The following GALK2 variants were observed in gnomAD, a reference collection of about 807,000 sequenced individuals.
The protein encoded by GALK2 is galactokinase 2.
GALK2 carries 36 observed loss-of-function variants against 52.4 expected under a neutral mutation model. That is an observed-to-expected ratio of 0.69 (90% CI 0.53 to 0.91). The LOEUF is 0.91. GALK2 is among the 40% of genes least tolerant of loss of function. GALK2 has a pLI of 0.00. For missense variants in GALK2, 579 were observed against 559.1 expected (o/e 1.04, Z -0.36); for synonymous variants, 176 against 199.1 (o/e 0.88, Z 0.98).
intron 8 of GALK2, among the ~76,000 whole-genome samples, chr15:49,316,109 T>C (rs1410140916): frequency 6.6e-6 from 1 of 152,198 alleles, no homozygotes; most frequent in Non-Finnish European, 1.5e-5. Flanking sequence ...AATTCTTGAT[T>C]GACTAAAAGA....
intron 8 of GALK2, among the ~76,000 whole-genome samples, chr15:49,299,412 T>G (rs574400601): frequency 6.6e-6 from 1 of 152,186 alleles, no homozygotes; most frequent in Admixed American, 6.6e-5. Flanking sequence ...TTTGGTTGTT[T>G]CCTTTCTTCT....
At chr15:49,254,672 T>C (rs2091740191) in intron 5 of GALK2, among the ~76,000 whole-genome samples, 1 of 144,316 alleles carries the variant, frequency 6.9e-6, no homozygotes, top group Non-Finnish European at 1.6e-5. Context: ...AAGAAATTTA[T>C]TGGAAAAATT....
chr15:49,329,618 T>G lies in GALK2; in HGVS notation c.*1459T>G. On this transcript the variant is annotated 3_prime_UTR_variant, in exon 10 of 10. Transcript: ENST00000560031. ...ATAAACTTCTGATGCATTTTCATTCTTAGCAGAAAGGTAAATGCTTGAGAA... is the reference window on the plus strand; with the variant it reads ...ATAAACTTCTGATGCATTTTCATTCGTAGCAGAAAGGTAAATGCTTGAGAA... The G allele has an allele frequency of 1.0e-6, 1 of 984,892 alleles. No individual in the cohort carries two copies. The highest frequency in any genetic ancestry group is 1.2e-6 in the Non-Finnish European group (1 of 829,434). The allele number at this position is 984,892 out of a possible 1,614,324, so 61.0% of individuals were successfully genotyped here.
chr15:49,267,038 G>A lies in GALK2; in HGVS notation c.505-14949G>A, dbSNP rs145859144. Among the ~76,000 whole-genome samples the A allele has an allele frequency of 6.6e-4, 100 of 152,242 alleles. 1 individual carries two copies. The highest frequency in any genetic ancestry group is 2.3e-3 in the African/African-American group (97 of 41,542). On this transcript the variant is annotated intron_variant, in intron 5 of 9. Coordinates refer to ENST00000560031, the MANE Select transcript of GALK2 (RefSeq NM_002044.4). ...TATGGAAGGGAGGTACTTGAGCCAC[G>A]TAAAGGGGTAAAGGGTGTTAAAGAA...
intron 3 of GALK2, among the ~76,000 whole-genome samples, chr15:49,361,952 A>G (rs1021562156): frequency 3.9e-5 from 6 of 152,044 alleles, no homozygotes; most frequent in Non-Finnish European, 8.8e-5. Context: ...CTGGTCTGAG[A>G]TGGTATCTCA....
At chr15:49,226,426 TTCTG>T (rs897266210) in intron 3 of GALK2, among the ~76,000 whole-genome samples, 1 of 152,184 alleles carries the variant, frequency 6.6e-6, no homozygotes, top group Non-Finnish European at 1.5e-5. Flanking sequence ...TCTTGGTGTT[TTCTG>T]TCTAAGATTT....
At chr15:49,341,584 T>A (rs1340148126) in intron 3 of GALK2, among the ~76,000 whole-genome samples, 1 of 152,192 alleles carries the variant, frequency 6.6e-6, no homozygotes, top group Non-Finnish European at 1.5e-5. Flanking sequence ...ACTCTTGAGC[T>A]CAACTGATTT....
chr15:49,335,044 C>A (rs916221483), downstream of GALK2, among the ~76,000 whole-genome samples: 2 of 152,170 alleles, frequency 1.3e-5, no homozygotes, highest in Non-Finnish European at 2.9e-5. Context: ...GACACCAGCC[C>A]AGCTGCCACC....
intron 4 of GALK2, 80 bp from the exon 5 acceptor site, chr15:49,239,141 C>A: frequency 8.0e-7 from 1 of 1,251,572 alleles, no homozygotes; most frequent in Non-Finnish European, 1.2e-6. Flanking sequence ...GACTTTTGTT[C>A]TCTGGGGAAT....
chr15:49,237,136 T>G (rs75801154), intron 4 of GALK2, among the ~76,000 whole-genome samples: 9,190 of 152,274 alleles, frequency 0.06, 552 homozygotes, highest in African/African-American at 0.15. Flanking sequence ...AGCATATGGG[T>G]AAAGTGGCCT....
intron 3 of GALK2, chr15:49,366,713 G>T: frequency 1.6e-6 from 2 of 1,263,148 alleles, no homozygotes; most frequent in Admixed American, 1.8e-5. Flanking sequence ...GTGGGGTGGC[G>T]CGGCGCGGCT....
intron 8 of GALK2, among the ~76,000 whole-genome samples, chr15:49,297,907 A>G (rs1294088972): frequency 2.7e-5 from 4 of 146,628 alleles, no homozygotes; most frequent in African/African-American, 1.0e-4. Context: ...ATTTGGGCCC[A>G]TTTTTTATTT....
At chr15:49,352,517 C>T (rs1466787471) in intron 3 of GALK2, among the ~76,000 whole-genome samples, 1 of 152,346 alleles carries the variant, frequency 6.6e-6, no homozygotes, top group South Asian at 2.1e-4. Flanking sequence ...CATCCCACCC[C>T]AGCAGCTGAA....
intron 1 of GALK2, among the ~76,000 whole-genome samples, chr15:49,186,619 A>G (rs998869637): frequency 3.4e-5 from 5 of 148,110 alleles, no homozygotes; most frequent in African/African-American, 1.3e-4. Context: ...AGCTCACTGC[A>G]ACCTCCGCCT....
At chr15:49,235,539 G>A (rs2090756230) in intron 3 of GALK2, 1 of 496,360 alleles carries the variant, frequency 2.0e-6, no homozygotes, top group Non-Finnish European at 3.9e-6. Flanking sequence ...GCATTCATGT[G>A]GTTTACACCA....
At chr15:49,181,837 A>AT (rs903995117) in intron 1 of GALK2, among the ~76,000 whole-genome samples, 3 of 151,698 alleles carry the variant, frequency 2.0e-5, no homozygotes, top group Admixed American at 6.6e-5. Context: ...CTCTGTTTTA[A>AT]TTTTTTTTAA....
In GALK2 at chr15:49,192,501, A is replaced by G. The variant is rs1027319677; in HGVS notation, c.54-8661A>G. On this transcript the variant is annotated intron_variant, in intron 1 of 9. Transcript: ENST00000560031. ...TATATATATGTATATATATATATAT[A>G]TATATATATATATATATATATATAG... Among the ~76,000 whole-genome samples, 1,158 of 134,594 alleles carry G rather than the reference A, an allele frequency of 8.6e-3. 30 individuals are homozygous for G. The highest frequency in any genetic ancestry group is 0.026 in the African/African-American group (903 of 34,796). 88.3% of individuals were successfully genotyped at this position (134,594 alleles called of 152,430 possible). A position where few individuals can be genotyped will look rare whatever the true frequency, so the allele number is the denominator to read the frequency against.
intron 8 of GALK2, among the ~76,000 whole-genome samples, chr15:49,316,146 T>C (rs1191869358): frequency 6.6e-6 from 1 of 152,180 alleles, no homozygotes; most frequent in Non-Finnish European, 1.5e-5. Flanking sequence ...CAACTGAATA[T>C]AATGTGTGGA....
chr15:49,281,861 G>T, intron 5 of GALK2, 126 bp from the exon 6 acceptor site: 1 of 616,394 alleles, frequency 1.6e-6, no homozygotes, highest in Non-Finnish European at 2.9e-6. Flanking sequence ...AGTGCTCCAG[G>T]CAGGCTACTA....
Sources: gnomAD v4.1 joint callset for allele counts (sites outside exome capture counted in the v4.1 genomes callset) on GRCh38, gnomAD v4.1.1 for gene constraint, MANE v1.5 for transcripts, NCBI Gene and HGNC (gene_info 2026-07-23, HGNC 2026-07-21) for gene names.